SYNE3: variants seen among roughly 807,000 people sequenced by gnomAD.
The protein encoded by SYNE3 is spectrin repeat containing nuclear envelope family member 3, also known as nesprin-3.
SYNE3 carries 100 observed loss-of-function variants against 111.2 expected under a neutral mutation model. That is an observed-to-expected ratio of 0.90 (90% CI 0.77 to 1.06). SYNE3 has a LOEUF of 1.06. Among genes scored for constraint, SYNE3 ranks in the 50% least tolerant of loss-of-function variants. SYNE3 has a pLI of 0.00. For missense variants in SYNE3, 1,160 were observed against 1,240.3 expected, an observed-to-expected ratio of 0.94 and a Z score of 0.97; for synonymous variants, 547 against 533.9, an observed-to-expected ratio of 1.02 and a Z score of -0.34.
At position 95,414,476 on chromosome 14, in the gene SYNE3, C is replaced by T. The variant is rs1903513461; in HGVS notation, c.*3350G>A. ...CTGGGCACCTCCCAGGGTCTCCTCG[C>T]CTCGTCTGCTGTCAGTACCTGCCCA... On this transcript the variant is annotated 3_prime_UTR_variant, in exon 18 of 18. Coordinates refer to ENST00000682763, the MANE Select transcript of SYNE3 (RefSeq NM_152592.6). 6.6e-6 allele frequency: 1 copy of T among 152,298 alleles called. No individual in the cohort carries two copies. Among genetic ancestry groups the T allele is most frequent in the Admixed American group, 6.5e-5 (1 of 15,282 alleles). The allele number at this position is 152,298 out of a possible 1,614,324, so 9.4% of individuals were successfully genotyped here. A position where few individuals can be genotyped will look rare whatever the true frequency, so the allele number is the denominator to read the frequency against.
chr14:95,515,481 T>G (rs1421435172), intron 1 of SYNE3, among the ~76,000 whole-genome samples: 1 of 151,500 alleles, frequency 6.6e-6, no homozygotes, highest in Non-Finnish European at 1.5e-5. Context: ...GGCAAATCAC[T>G]CCCCCTCTCT....
In SYNE3 at chr14:95,408,975, CCTTCAGCGGTGGGAGTCAACGGA is replaced by C; in HGVS notation, c.*8828_*8850del. On this transcript the variant is annotated 3_prime_UTR_variant, in exon 18 of 18. Coordinates refer to ENST00000682763, the MANE Select transcript of SYNE3 (RefSeq NM_152592.6). ...GACCTCATCCTGGTGTTGCCAGCTC[CCTTCAGCGGTGGGAGTCAACGGA>C]CTTCCCCGCAGGAGTGGGCACAGGA... The C allele has an allele frequency of 8.2e-6, 3 of 364,898 alleles. No individual in the cohort carries two copies. Among genetic ancestry groups the C allele is most frequent in the South Asian group, 6.1e-5 (3 of 49,330 alleles). The allele number at this position is 364,898 out of a possible 1,614,324, so 22.6% of individuals were successfully genotyped here.
Position 95,514,490 on chromosome 14 carries a change from G to A in SYNE3, c.-15+2106C>T, listed in dbSNP as rs576219358. ...CAGAGGGGAACCCAGGTATCCCGAC[G>A]AGGCCCCTTCGCCTCAAACTGTGAC... On this transcript the variant is annotated intron_variant, in intron 1 of 17. Coordinates refer to ENST00000682763, the MANE Select transcript of SYNE3 (RefSeq NM_152592.6). Among the ~76,000 whole-genome samples the A allele has an allele frequency of 5.3e-5, 8 of 152,352 alleles. No individual in the cohort carries two copies. In the South Asian group the frequency reaches 1.2e-3, roughly 24 times the overall value.
chr14:95,480,346 G>A (rs1363500655), intron 1 of SYNE3, among the ~76,000 whole-genome samples: 1 of 152,214 alleles, frequency 6.6e-6, no homozygotes, highest in Non-Finnish European at 1.5e-5. Flanking sequence ...CTTGGGTTTG[G>A]GTTTCAGCGT....
At chr14:95,430,106 T>G (rs1273750989) in intron 17 of SYNE3, 5 of 473,236 alleles carry the variant, frequency 1.1e-5, no homozygotes, top group Non-Finnish European at 1.4e-5. Flanking sequence ...GAGGCTGTGC[T>G]GGAGGGCTGG....
intron 1 of SYNE3, among the ~76,000 whole-genome samples, chr14:95,488,724 A>AGGAGAGGAGAGGAGAGGAGAGGAGG (rs1889685101): frequency 9.8e-6 from 1 of 102,502 alleles, no homozygotes; most frequent in African/African-American, 3.8e-5. Flanking sequence ...AGGAGAGGAG[A>AGGAGAGGAGAGGAGAGGAGAGGAGG]GGAGAGGAGA....
chr14:95,499,913 G>A (rs1251118349), intron 1 of SYNE3, among the ~76,000 whole-genome samples: 2 of 130,966 alleles, frequency 1.5e-5, no homozygotes, highest in Non-Finnish European at 3.1e-5. Flanking sequence ...AGGCTGGAGT[G>A]CAGTGGCACC....
At chr14:95,483,364 G>A (rs117613109) in intron 1 of SYNE3, among the ~76,000 whole-genome samples, 3,433 of 152,252 alleles carry the variant, frequency 0.023, 84 homozygotes, top group South Asian at 0.04. Flanking sequence ...CTCGCTTGCC[G>A]TGACTCACTC....
intron 1 of SYNE3, among the ~76,000 whole-genome samples, chr14:95,481,604 T>G (rs1246288170): frequency 6.6e-6 from 1 of 152,172 alleles, no homozygotes; most frequent in Admixed American, 6.5e-5. Context: ...AGCCGACTAC[T>G]TACCTCTGGT....
chr14:95,429,748 G>A (rs916838180), intron 17 of SYNE3, among the ~76,000 whole-genome samples: 2 of 152,118 alleles, frequency 1.3e-5, no homozygotes, highest in African/African-American at 4.8e-5. Flanking sequence ...TGTGCCCAAC[G>A]TCTTCTGGTC....
At position 95,475,058 on chromosome 14, in the gene SYNE3, A is replaced by G. The variant is rs557971199; in HGVS notation, c.144+620T>C. ...ATTATAACTCCGGCCTCCGACTCTT[A>G]GCTCAGTATTCTTCCCTCTTGTCCC... On this transcript the variant is annotated intron_variant, in intron 2 of 17. Transcript: ENST00000682763. 3.7e-4 allele frequency among the ~76,000 whole-genome samples: 56 copies of G among 152,346 alleles called. 1 individual carries two copies. The South Asian group carries it at 0.011, about 31-fold the overall frequency.
intron 1 of SYNE3, among the ~76,000 whole-genome samples, chr14:95,481,180 T>C (rs1889229023): frequency 6.6e-6 from 1 of 152,230 alleles, no homozygotes; most frequent in African/African-American, 2.4e-5. Flanking sequence ...GCACTTGCAG[T>C]AGTGCTGACA....
At chr14:95,431,404 G>C (rs1885753285) in intron 17 of SYNE3, among the ~76,000 whole-genome samples, 1 of 152,138 alleles carries the variant, frequency 6.6e-6, no homozygotes, top group African/African-American at 2.4e-5. Context: ...GGTGTCACTG[G>C]GAGAGTTACA....
At chr14:95,501,229 C>T (rs1040857071) in intron 1 of SYNE3, among the ~76,000 whole-genome samples, 9 of 152,206 alleles carry the variant, frequency 5.9e-5, no homozygotes, top group African/African-American at 7.2e-5. Context: ...TCAGAGCACA[C>T]GCAACCTTCT....
rs774782727 is a variant in SYNE3 at position 95,444,526 on chromosome 14, G to A, written c.1735C>T (p.Arg579Trp). Residue 579 changes from arginine (R) to tryptophan (W), a missense_variant, in exon 10 of 18, where the codon CGG becomes TGG. Coordinates refer to ENST00000682763, the MANE Select transcript of SYNE3 (RefSeq NM_152592.6). ...TGGGCCTGTTTTCCAGGAAGGTCCCGCTGAAGCCCCTTCTCGGCTTGGACC... is the reference window on the plus strand; with the variant it reads ...TGGGCCTGTTTTCCAGGAAGGTCCCACTGAAGCCCCTTCTCGGCTTGGACC... ...VRVQAEKGLQ[R>W]DLPGKQAQLS... 4.3e-6 allele frequency: 7 copies of A among 1,613,238 alleles called. No homozygotes were observed. Among genetic ancestry groups the A allele is most frequent in the East Asian group, 2.2e-5 (1 of 44,886 alleles).
chr14:95,408,880 A>G lies in SYNE3; in HGVS notation c.*8946T>C. 5.9e-6 allele frequency: 2 copies of G among 338,062 alleles called. No individual in the cohort carries two copies. The highest frequency in any genetic ancestry group is 1.2e-5 in the Non-Finnish European group (2 of 170,644). 20.9% of individuals were successfully genotyped at this position (338,062 alleles called of 1,614,324 possible). ...ACTCTGTCCTCTGCCTGCCCCCGCA[A>G]GGGCTGGCCTGTCCGTGCTTTTCCA... On this transcript the variant is annotated 3_prime_UTR_variant, in exon 18 of 18. Coordinates refer to ENST00000682763, the MANE Select transcript of SYNE3 (RefSeq NM_152592.6).
intron 15 of SYNE3, among the ~76,000 whole-genome samples, chr14:95,435,375 G>A (rs1167178774): frequency 1.3e-5 from 2 of 152,132 alleles, no homozygotes; most frequent in African/African-American, 4.8e-5. Context: ...CACAGCTAAA[G>A]AGAGAATTAG....
At chr14:95,466,450 A>G (rs1449693009) in intron 3 of SYNE3, among the ~76,000 whole-genome samples, 1 of 152,166 alleles carries the variant, frequency 6.6e-6, no homozygotes, top group African/African-American at 2.4e-5. Flanking sequence ...CCCTCTGCCC[A>G]GTAAATAAGC....
At chr14:95,437,602 CTA>C (rs1566961546) in intron 14 of SYNE3, among the ~76,000 whole-genome samples, 1 of 152,206 alleles carries the variant, frequency 6.6e-6, no homozygotes, top group African/African-American at 2.4e-5. Flanking sequence ...GGTCCTGGAC[CTA>C]GGAACTGCTG....
Sources: gnomAD v4.1 joint callset for allele counts (sites outside exome capture counted in the v4.1 genomes callset) on GRCh38, gnomAD v4.1.1 for gene constraint, MANE v1.5 for transcripts, NCBI Gene and HGNC (gene_info 2026-07-23, HGNC 2026-07-21) for gene names.